ATAD2B: variants seen among roughly 807,000 people sequenced by gnomAD.
The protein encoded by ATAD2B is ATPase family AAA domain containing 2B, also known as ATPase family AAA domain-containing protein 2B.
Under a neutral mutation model 167.6 loss-of-function variants are expected in ATAD2B, and 40 were observed. The observed-to-expected ratio is 0.24, with a 90% CI of 0.19 to 0.31. The LOEUF is 0.31. Ranked by LOEUF, ATAD2B falls within the 10% of genes least tolerant of loss-of-function variation. ATAD2B has a pLI of 1.00. For missense variants in ATAD2B, 1,242 were observed against 1,757.2 expected, an observed-to-expected ratio of 0.71 and a Z score of 5.24; for synonymous variants, 579 against 596.5, an observed-to-expected ratio of 0.97 and a Z score of 0.43.
chr2:23,729,348 A>G, the ATAD2B span, among the ~76,000 whole-genome samples: 1 of 152,222 alleles, frequency 6.6e-6, no homozygotes, highest in Non-Finnish European at 1.5e-5. Flanking sequence ...GCCAATTAAA[A>G]CAAAATGAAG....
At chr2:23,741,573 A>C in the ATAD2B span, among the ~76,000 whole-genome samples, 13 of 152,266 alleles carry the variant, frequency 8.5e-5, no homozygotes, top group African/African-American at 2.9e-4. Context: ...TAAAGACTTA[A>C]ACGTTAGCCC....
chr2:23,786,780 G>C (rs1680892011), intron 20 of ATAD2B, among the ~76,000 whole-genome samples: 2 of 152,002 alleles, frequency 1.3e-5, no homozygotes. Context: ...ATTTGATTTT[G>C]AAATATTATT....
At chr2:23,897,191 C>T (rs138966335) in intron 1 of ATAD2B, among the ~76,000 whole-genome samples, 75 of 152,246 alleles carry the variant, frequency 4.9e-4, no homozygotes, top group African/African-American at 1.7e-3. Context: ...GCTGATGTTC[C>T]TAATAATCAG....
intron 22 of ATAD2B, among the ~76,000 whole-genome samples, chr2:23,771,132 G>GT (rs1467696869): frequency 6.6e-6 from 1 of 152,136 alleles, no homozygotes; most frequent in Non-Finnish European, 1.5e-5. Context: ...AAAAACAAGT[G>GT]TTTTACATGC....
the ATAD2B span, chr2:23,684,562 C>T: frequency 2.6e-6 from 4 of 1,526,962 alleles, no homozygotes; most frequent in African/African-American, 1.4e-5. The surrounding 1 kb of genome is among the most constrained non-coding windows in gnomAD (Gnocchi z 4.4). Flanking sequence ...CAGCTGTGGT[C>T]GGGTCTGTTC....
In ATAD2B at chr2:23,765,547, T is replaced by A; in HGVS notation, c.3215A>T (p.Asn1072Ile). 1 of 1,583,232 alleles carries A rather than the reference T, an allele frequency of 6.3e-7. No individual in the cohort carries two copies. Among genetic ancestry groups the A allele is most frequent in the Non-Finnish European group, 8.6e-7 (1 of 1,160,314 alleles). Reference protein sequence around the residue: ...IIAAELDPEFNKLCEEIKEAR... With the variant: ...IIAAELDPEFIKLCEEIKEAR... Reference sequence around the variant, plus strand: ...TTCCTTAATTTCCTCACAAAGTTTATTAAATTCTGGATCTAATTCAGCTGC... The same window carrying A: ...TTCCTTAATTTCCTCACAAAGTTTAATAAATTCTGGATCTAATTCAGCTGC... The change falls in exon 23 of 28, where the codon AAT becomes ATT. Residue 1072 changes from asparagine (N) to isoleucine (I), a missense_variant. Coordinates refer to ENST00000238789, the MANE Select transcript of ATAD2B (RefSeq NM_017552.4).
chr2:23,826,858 A>G (rs1688339715), intron 15 of ATAD2B, among the ~76,000 whole-genome samples: 1 of 152,178 alleles, frequency 6.6e-6, no homozygotes, highest in Admixed American at 6.5e-5. Flanking sequence ...CCCAATATGC[A>G]TGCAAAAACC....
chr2:23,703,065 C>A, the ATAD2B span: 1 of 661,572 alleles, frequency 1.5e-6, no homozygotes, highest in Non-Finnish European at 2.3e-6. Context: ...CTGGTGTGAT[C>A]TCAGGCTATG....
intron 1 of ATAD2B, among the ~76,000 whole-genome samples, chr2:23,896,761 A>G (rs1363897940): frequency 1.3e-5 from 2 of 152,140 alleles, no homozygotes; most frequent in African/African-American, 2.4e-5. Context: ...AGAAACACAT[A>G]TTGCATTTAG....
At chr2:23,732,141 T>G in the ATAD2B span, among the ~76,000 whole-genome samples, 1 of 152,206 alleles carries the variant, frequency 6.6e-6, no homozygotes, top group Non-Finnish European at 1.5e-5. Context: ...TAGATCCAAG[T>G]ACCAATTTAT....
At chr2:23,776,034 T>G in intron 22 of ATAD2B, among the ~76,000 whole-genome samples, 1 of 152,200 alleles carries the variant, frequency 6.6e-6, no homozygotes, top group East Asian at 1.9e-4. Flanking sequence ...GAGAATCGCA[T>G]GAACCCGAGA....
Position 23,752,073 on chromosome 2 carries a change from T to G in ATAD2B, c.4350A>C (p.Thr1450=). 1 of 1,562,002 alleles carries G rather than the reference T, an allele frequency of 6.4e-7. No homozygotes were observed. The highest frequency in any genetic ancestry group is 8.7e-7 in the Non-Finnish European group (1 of 1,150,384). Residue 1450 remains threonine, a synonymous_variant, in exon 28 of 28, where the codon ACA becomes ACC. Transcript: ENST00000238789. ...KSQLVEEMER[T]VHMFETFL ...ATAGGAATGTCTCAAACATATGAAC[T>G]GTTCTTTCCATCTCCTATAAAAGGA...
intron 1 of ATAD2B, among the ~76,000 whole-genome samples, chr2:23,908,828 T>C (rs1320477594): frequency 6.6e-6 from 1 of 151,834 alleles, no homozygotes; most frequent in Non-Finnish European, 1.5e-5. Flanking sequence ...TGAGTTCATG[T>C]CCTTTGTAGG....
intron 1 of ATAD2B, among the ~76,000 whole-genome samples, chr2:23,922,054 A>T (rs1045705546): frequency 6.6e-6 from 1 of 152,182 alleles, no homozygotes; most frequent in African/African-American, 2.4e-5. Context: ...TAATTAAAAT[A>T]AAAATAAAGT....
chr2:23,885,880 A>G, intron 4 of ATAD2B, 51 bp from the exon 5 acceptor site: 3 of 1,042,376 alleles, frequency 2.9e-6, no homozygotes, highest in Non-Finnish European at 4.2e-6. Context: ...CACCATATAC[A>G]TAAAAGAGCT....
At chr2:23,799,620 G>T (rs1038132515) in intron 18 of ATAD2B, among the ~76,000 whole-genome samples, 1 of 149,250 alleles carries the variant, frequency 6.7e-6, no homozygotes. Flanking sequence ...TAAAATGATT[G>T]GGATTATCGG....
intron 13 of ATAD2B, among the ~76,000 whole-genome samples, chr2:23,848,345 T>A (rs1226335763): frequency 6.6e-6 from 1 of 152,046 alleles, no homozygotes; most frequent in African/African-American, 2.4e-5. Flanking sequence ...CCAGGCATGG[T>A]GGCGTGCACC....
At chr2:23,693,661 C>A in the ATAD2B span, 2 of 966,288 alleles carry the variant, frequency 2.1e-6, no homozygotes, top group Non-Finnish European at 3.1e-6. Context: ...AGGTGAAGGG[C>A]GGGCAGAGAG....
At chr2:23,756,499 G>A (rs1172164796) in intron 25 of ATAD2B, among the ~76,000 whole-genome samples, 2 of 152,110 alleles carry the variant, frequency 1.3e-5, no homozygotes, top group African/African-American at 2.4e-5. Flanking sequence ...CCTCCTATAA[G>A]AGTACCTATC....
Sources: gnomAD v4.1 joint callset for allele counts (sites outside exome capture counted in the v4.1 genomes callset) on GRCh38, gnomAD v4.1.1 for gene constraint, Gnocchi (gnomAD v3.1) non-coding constraint, MANE v1.5 for transcripts, NCBI Gene and HGNC (gene_info 2026-07-23, HGNC 2026-07-21) for gene names.